BIN1: variants seen among roughly 807,000 people sequenced by gnomAD.
BIN1 encodes bridging integrator 1, also known as myc box-dependent-interacting protein 1.
BIN1 carries 53 observed loss-of-function variants against 82.0 expected under a neutral mutation model. The ratio of observed to expected loss-of-function variants is 0.65; its 90% confidence interval spans 0.52 to 0.81. The LOEUF is 0.81. Ranked by LOEUF, BIN1 falls within the 40% of genes least tolerant of loss-of-function variation. BIN1 has a pLI of 0.00. For missense variants in BIN1, 642 were observed against 784.4 expected, an observed-to-expected ratio of 0.82 and a Z score of 2.17; for synonymous variants, 302 against 328.0, an observed-to-expected ratio of 0.92 and a Z score of 0.86.
In BIN1 at chr2:127,094,403, C is replaced by G. The variant is rs530350788; in HGVS notation, c.84+12457G>C. On this transcript the variant is annotated intron_variant, in intron 1 of 18. Transcript: ENST00000316724. ...ACAGGCACGATGGGTCTAGCCTCCC[C>G]CTTCAGGATTGAGACCAGCAAACAG... Among the ~76,000 whole-genome samples the G allele has an allele frequency of 3.4e-3, 525 of 152,336 alleles. 2 individuals are homozygous for G. The highest frequency in any genetic ancestry group is 5.2e-3 in the Non-Finnish European group (357 of 68,032).
rs1331002716 is a variant in BIN1, at chr2:127,084,456, C to T, written c.85-7750G>A. On this transcript the variant is annotated intron_variant, in intron 1 of 18. Coordinates refer to ENST00000316724, the MANE Select transcript of BIN1 (RefSeq NM_139343.3). ...TCATTCATCTCCAGGCGCTTCCTTA[C>T]TTTCTGGCACTAGCAGATTCTCCAG... Among the ~76,000 whole-genome samples, 5 of 152,264 alleles carry T rather than the reference C, an allele frequency of 3.3e-5. No homozygotes were observed. In the South Asian group the frequency reaches 8.3e-4, roughly 25 times the overall value.
chr2:127,069,206 G>A (rs1453575359), intron 5 of BIN1, among the ~76,000 whole-genome samples, 175 bp from the exon 6 acceptor site: 4 of 152,102 alleles, frequency 2.6e-5, no homozygotes, highest in Admixed American at 6.5e-5. Context: ...CCTCCTGGCC[G>A]TCCAGCCCCA....
At position 127,052,264 on chromosome 2, in the gene BIN1, C is replaced by G. The variant is rs61748155; in HGVS notation, c.1362G>C (p.Gly454=). 4 of 1,572,722 alleles carry G rather than the reference C, an allele frequency of 2.5e-6. No individual in the cohort carries two copies. Among genetic ancestry groups the G allele is most frequent in the South Asian group, 1.2e-5 (1 of 85,618 alleles). ...GGAGGTGGGCACTTACTTGGGCAGG[C>G]CCCGGCTCGGCCGTCTGGCTGGGCC... The part of the protein sequence containing the change: ...VSWPSQTAEP[G]PAQPAEASEV... Residue 454 remains glycine, a synonymous_variant, in exon 15 of 19, where the codon GGG becomes GGC. Coordinates refer to ENST00000316724, the MANE Select transcript of BIN1 (RefSeq NM_139343.3).
chr2:127,076,664 G>C lies in BIN1; in HGVS notation c.127C>G (p.Gln43Glu), dbSNP rs755092482. 6.2e-7 allele frequency: 1 copy of C among 1,614,158 alleles called. No individual in the cohort carries two copies. Among genetic ancestry groups the C allele is most frequent in the South Asian group, 1.1e-5 (1 of 91,082 alleles). ...AAATTCTGGACGCACTGCTCAAACT[G>C]CTCATCCTTGGTCTCATCTGCCTTC... is the stretch of plus-strand genomic sequence containing the variant. ...LGKADETKDE[Q>E]FEQCVQNFNK... Residue 43 changes from glutamine to glutamate, a missense_variant, in exon 2 of 19, where the codon CAG becomes GAG. By Grantham distance (29) the Gln-to-Glu change is conservative (BLOSUM62 2). Coordinates refer to ENST00000316724, the MANE Select transcript of BIN1 (RefSeq NM_139343.3).
chr2:127,072,636 C>A (rs1383191771), intron 2 of BIN1, among the ~76,000 whole-genome samples: 1 of 150,836 alleles, frequency 6.6e-6, no homozygotes, highest in Non-Finnish European at 1.5e-5. Context: ...AAAAAAAAAT[C>A]TCTAAAATTC....
At position 127,060,554 on chromosome 2, in the gene BIN1, G is replaced by A. The variant is rs772983830; in HGVS notation, c.858-1399C>T. ...AGGCGCATGCACAGGGCCAGCCAGG[G>A]CGCGGGCCTCTGCGCCCCTCCGCAG... On this transcript the variant is annotated intron_variant, in intron 10 of 18. Transcript: ENST00000316724. 14 of 1,613,330 alleles carry A rather than the reference G, an allele frequency of 8.7e-6. No individual in the cohort carries two copies. In the African/African-American group the frequency reaches 1.6e-4, roughly 18 times the overall value.
At chr2:127,103,895 GCA>G (rs1680679116) in intron 1 of BIN1, among the ~76,000 whole-genome samples, 2 of 152,250 alleles carry the variant, frequency 1.3e-5, no homozygotes, top group African/African-American at 4.8e-5. Context: ...CAAGCTCCCA[GCA>G]CACACAGTGC....
chr2:127,057,556 A>G lies in BIN1; in HGVS notation c.1048T>C (p.Ser350Pro). 1 of 1,543,022 alleles carries G rather than the reference A, an allele frequency of 6.5e-7. No individual in the cohort carries two copies. The highest frequency in any genetic ancestry group is 2.5e-5 in the East Asian group (1 of 40,584). ...PVPPPPKHTP[S>P]KEVKQEQILS... ...ATCTGCTCCTGCTTGACTTCCTTGG[A>G]CGGGGTGTGTTTGGGAGGCGGAGGG... The change falls in exon 12 of 19, where the codon TCC becomes CCC. Residue 350 changes from serine to proline, a missense_variant. By Grantham distance (74) the Ser-to-Pro change is moderately conservative. Coordinates refer to ENST00000316724, the MANE Select transcript of BIN1 (RefSeq NM_139343.3). This position sits in a 1 kb window ranked among gnomAD's most constrained non-coding sequence, Gnocchi z 5.0.
In BIN1 at chr2:127,086,752, C is replaced by T. The variant is rs534993988; in HGVS notation, c.85-10046G>A. Among the ~76,000 whole-genome samples the T allele has an allele frequency of 6.6e-5, 10 of 152,154 alleles. No individual in the cohort carries two copies. The East Asian group carries it at 1.2e-3, about 18-fold the overall frequency. ...CGAACCCCTGACCTCGTGATCCACC[C>T]GCCTCGACCTCCCAAAGTGCTAGGA... is the stretch of plus-strand genomic sequence containing the variant. On this transcript the variant is annotated intron_variant, in intron 1 of 18. Transcript: ENST00000316724.
At position 127,050,453 on chromosome 2, in the gene BIN1, GCAC is replaced by G. The variant is rs777945600; in HGVS notation, c.1639_1641del (p.Val547del). On this transcript the variant is annotated inframe_deletion, in exon 18 of 19. Coordinates refer to ENST00000316724, the MANE Select transcript of BIN1 (RefSeq NM_139343.3). ...TCAGGGTTCTGGAAGGGGATCACCA[GCAC>G]CACATCACCAGCCTTGAGCTGCAGC... The G allele has an allele frequency of 1.2e-6, 2 of 1,614,216 alleles. No individual in the cohort carries two copies. Among genetic ancestry groups the G allele is most frequent in the African/African-American group, 2.7e-5 (2 of 75,062 alleles).
rs866616447 is a variant in BIN1, at chr2:127,090,971, C to T, written c.85-14265G>A. On this transcript the variant is annotated intron_variant, in intron 1 of 18. Coordinates refer to ENST00000316724, the MANE Select transcript of BIN1 (RefSeq NM_139343.3). This position sits in a 1 kb window ranked among gnomAD's most constrained non-coding sequence, Gnocchi z 6.4. ...TTCTGGATGCCTTCAGGTTCTTACA[C>T]GTCTGTTCCTGTCTGAGAAGCTCAA... Among the ~76,000 whole-genome samples the T allele has an allele frequency of 3.9e-5, 6 of 152,210 alleles. No individual in the cohort carries two copies. Among genetic ancestry groups the T allele is most frequent in the Non-Finnish European group, 8.8e-5 (6 of 68,040 alleles).
In BIN1 at chr2:127,069,983, T is replaced by C. The variant is rs1685665484; in HGVS notation, c.411+12A>G. Reference sequence around the variant, plus strand: ...GGCCAGAGCAGGGCAGATCTGCAAGTGGGTCTCTCACCTTGATGTCGGGGA... The same window carrying C: ...GGCCAGAGCAGGGCAGATCTGCAAGCGGGTCTCTCACCTTGATGTCGGGGA... On this transcript the variant is annotated intron_variant, in intron 5 of 18. Transcript: ENST00000316724. The C allele has an allele frequency of 6.2e-7, 1 of 1,613,682 alleles. No individual in the cohort carries two copies. Among genetic ancestry groups the C allele is most frequent in the Non-Finnish European group, 8.5e-7 (1 of 1,179,608 alleles).
intron 10 of BIN1, chr2:127,060,468 G>A (rs1198740021): frequency 7.1e-7 from 1 of 1,407,286 alleles, no homozygotes; most frequent in Admixed American, 1.7e-5. Flanking sequence ...CGACAGCCCT[G>A]CCGGGCAGCA....
Position 127,068,814 on chromosome 2 carries a change from G to T in BIN1, c.519+110C>A, listed in dbSNP as rs1181258255. 1.4e-5 allele frequency: 15 copies of T among 1,106,244 alleles called. No individual in the cohort carries two copies. The highest frequency in any genetic ancestry group is 1.9e-5 in the Non-Finnish European group (14 of 736,666). The allele number at this position is 1,106,244 out of a possible 1,614,324, so 68.5% of individuals were successfully genotyped here. ...GGGCCCTGTATCGTCCCCACCCCCA[G>T]TTCAGCCACCTGGGGCCAGGCAGGA... On this transcript the variant is annotated intron_variant, in intron 6 of 18. Transcript: ENST00000316724. This position sits in a 1 kb window ranked among gnomAD's most constrained non-coding sequence, Gnocchi z 4.9.
chr2:127,076,526 C>T, intron 2 of BIN1, 100 bp downstream of exon 2: 2 of 1,358,416 alleles, frequency 1.5e-6, no homozygotes, highest in Non-Finnish European at 2.1e-6. Flanking sequence ...TGATTACCCT[C>T]CTCCAAGCTC....
intron 2 of BIN1, among the ~76,000 whole-genome samples, chr2:127,072,520 A>G (rs1686021761): frequency 6.6e-6 from 1 of 152,174 alleles, no homozygotes; most frequent in Non-Finnish European, 1.5e-5. Context: ...GAACCCACAG[A>G]TCTGCCTATT....
chr2:127,057,956 T>C lies in BIN1; in HGVS notation c.1003-355A>G, dbSNP rs991065909. Among the ~76,000 whole-genome samples the C allele has an allele frequency of 1.1e-4, 17 of 152,190 alleles. No homozygotes were observed. Among genetic ancestry groups the C allele is most frequent in the South Asian group, 4.2e-4 (2 of 4,816 alleles). On this transcript the variant is annotated intron_variant, in intron 11 of 18. Transcript: ENST00000316724. The surrounding 1 kb of genome is among the most constrained non-coding windows in gnomAD (Gnocchi z 5.0). ...GAGGGGCTGGCTCCCACTGGCCTGG[T>C]GAGAAGACTGGGGAAGCAAACAGTC...
chr2:127,087,071 G>A (rs771146840), intron 1 of BIN1, among the ~76,000 whole-genome samples: 2 of 152,170 alleles, frequency 1.3e-5, no homozygotes, highest in South Asian at 4.1e-4. Flanking sequence ...ACTGGTGAGA[G>A]CAAAAAGTGG....
At chr2:127,069,966 C>G in intron 5 of BIN1, 29 bp downstream of exon 5, 4 of 1,608,122 alleles carry the variant, frequency 2.5e-6, no homozygotes, top group Non-Finnish European at 3.4e-6. Flanking sequence ...CAGGCCAGAG[C>G]AGGGCAGATC....
Sources: gnomAD v4.1 joint callset for allele counts (sites outside exome capture counted in the v4.1 genomes callset) on GRCh38, gnomAD v4.1.1 for gene constraint, Gnocchi (gnomAD v3.1) non-coding constraint, MANE v1.5 for transcripts, NCBI Gene and HGNC (gene_info 2026-07-23, HGNC 2026-07-21) for gene names.